Variants in ALS2CL observed in about 807,000 individuals in gnomAD.
ALS2CL encodes the protein ALS2 C-terminal-like protein.
In ALS2CL, 112 loss-of-function variants were observed where a neutral mutation model predicts 127.9. The ratio of observed to expected loss-of-function variants is 0.88; its 90% CI spans 0.75 to 1.02. ALS2CL has a LOEUF of 1.02. Ranked by LOEUF, ALS2CL falls within the 50% of genes least tolerant of loss-of-function variation. The probability of loss-of-function intolerance (pLI) is 0.00; values close to 1 mark genes in which losing one functional copy is unlikely to be tolerated. For missense variants in ALS2CL, 1,174 were observed against 1,236.7 expected, an observed-to-expected ratio of 0.95 and a Z score of 0.76; for synonymous variants, 519 against 527.6, an observed-to-expected ratio of 0.98 and a Z score of 0.22.
rs568316121 is a variant in ALS2CL, at chr3:46,673,327, C to G, written c.2472+12G>C. Reference sequence around the variant, plus strand: ...GGGGGCCCCTGGCTTGGGGCTCTGGCCTCCCTCTCACCTGATTGCTCGTCA... The same window carrying G: ...GGGGGCCCCTGGCTTGGGGCTCTGGGCTCCCTCTCACCTGATTGCTCGTCA... On this transcript the variant is annotated intron_variant, in intron 22 of 25. Transcript: ENST00000318962. The G allele has an allele frequency of 1.5e-5, 24 of 1,559,700 alleles. No homozygotes were observed. The East Asian group carries it at 5.8e-4, about 38-fold the overall frequency.
chr3:46,678,319 T>G lies in ALS2CL; in HGVS notation c.1697A>C (p.His566Pro). The G allele has an allele frequency of 6.2e-7, 1 of 1,613,194 alleles. No individual in the cohort carries two copies. The highest frequency in any genetic ancestry group is 8.5e-7 in the Non-Finnish European group (1 of 1,179,458). Residue 566 changes from histidine to proline, a missense_variant, in exon 16 of 26, where the codon CAC becomes CCC. Coordinates refer to ENST00000318962, the MANE Select transcript of ALS2CL (RefSeq NM_147129.5). ...AGCCGTGTCCAGCACACCCTGTGTG[T>G]GCAGTCCTCTCCCTGCCCCACTGCC... Reference protein sequence around the residue: ...SFGSGAGRGLHTQGVLDTAAL... With the variant: ...SFGSGAGRGLPTQGVLDTAAL...
rs1217227566 is a variant in ALS2CL, at chr3:46,681,284, G to A, written c.1398C>T (p.Gly466=). The A allele has an allele frequency of 1.9e-6, 3 of 1,613,956 alleles. No individual in the cohort carries two copies. ...PFRYTGHWER[G]QRSGYGIEED... is the part of the protein sequence containing the mutation. Reference sequence around the variant, plus strand: ...CCTCAATGCCATAGCCGCTCCTCTGGCCCCTCTCCCAGTGGCCCGTGTACC... The same window carrying A: ...CCTCAATGCCATAGCCGCTCCTCTGACCCCTCTCCCAGTGGCCCGTGTACC... Residue 466 remains glycine (G), a synonymous_variant, in exon 13 of 26, where the codon GGC becomes GGT. Transcript: ENST00000318962. This position sits in a 1 kb window ranked among gnomAD's most constrained non-coding sequence, Gnocchi z 4.9.
chr3:46,690,246 G>C (rs558698798), intron 1 of ALS2CL, among the ~76,000 whole-genome samples: 1 of 152,230 alleles, frequency 6.6e-6, no homozygotes, highest in African/African-American at 2.4e-5. Flanking sequence ...ATGTATGACA[G>C]TTGTAGAGGA....
chr3:46,687,843 C>A (rs1699901325), intron 3 of ALS2CL, among the ~76,000 whole-genome samples, 159 bp from the exon 4 acceptor site: 1 of 152,136 alleles, frequency 6.6e-6, no homozygotes, highest in South Asian at 2.1e-4. Context: ...AACTCCTGGG[C>A]CAACAAGACA....
chr3:46,688,198 G>C lies in ALS2CL; in HGVS notation c.202C>G (p.Leu68Val). The C allele has an allele frequency of 6.2e-7, 1 of 1,613,120 alleles. No individual in the cohort carries two copies. Among genetic ancestry groups the C allele is most frequent in the Non-Finnish European group, 8.5e-7 (1 of 1,179,996 alleles). The change falls in exon 3 of 26, where the codon CTG becomes GTG. Residue 68 changes from leucine (L) to valine (V), a missense_variant. By Grantham distance (32) the Leu-to-Val change is conservative. Coordinates refer to ENST00000318962, the MANE Select transcript of ALS2CL (RefSeq NM_147129.5). ...CGCAGCCTCTCCTGCAGTGAGTGCAGGCTTTCCTCCGTCACCTCCCAGAGT... is the reference window on the plus strand; with the variant it reads ...CGCAGCCTCTCCTGCAGTGAGTGCACGCTTTCCTCCGTCACCTCCCAGAGT... ...QQLWEVTEESLHSLQERLRYP... is the reference protein window; with the variant it reads ...QQLWEVTEESVHSLQERLRYP...
chr3:46,677,343 T>C lies in ALS2CL; in HGVS notation c.1758-321A>G, dbSNP rs968383552. ...GGGGTCTTGGTCCAAGAGAGACCAG[T>C]GTCCAAAGTCTGGGATTCCCCTCCA... On this transcript the variant is annotated intron_variant, in intron 16 of 25. Coordinates refer to ENST00000318962, the MANE Select transcript of ALS2CL (RefSeq NM_147129.5). The C allele has an allele frequency of 7.9e-6, 9 of 1,145,362 alleles. 1 individual carries two copies. The South Asian group carries it at 1.9e-4, about 24-fold the overall frequency. 70.9% of individuals were successfully genotyped at this position (1,145,362 alleles called of 1,614,324 possible).
chr3:46,689,685 C>T (rs1277266336), intron 1 of ALS2CL, among the ~76,000 whole-genome samples: 2 of 152,310 alleles, frequency 1.3e-5, no homozygotes, highest in Admixed American at 1.3e-4. Context: ...AGAGAGAGAG[C>T]TCAGAGCTGC....
At chr3:46,673,608 G>A (rs1413360572) in intron 21 of ALS2CL, among the ~76,000 whole-genome samples, 3 of 152,164 alleles carry the variant, frequency 2.0e-5, no homozygotes, top group African/African-American at 4.8e-5. Flanking sequence ...GAGCCAGGTC[G>A]TGGTGACCAG....
chr3:46,685,416 C>T, intron 7 of ALS2CL, 109 bp downstream of exon 7: 3 of 1,526,856 alleles, frequency 2.0e-6, no homozygotes, highest in Admixed American at 3.5e-5. Context: ...GACCATCCCT[C>T]CCAGCCCACT....
Position 46,676,338 on chromosome 3 carries a change from G to A in ALS2CL, c.2093C>T (p.Ala698Val). ...LLRTLMLTFQATYAGVGANKH... is the reference protein window; with the variant it reads ...LLRTLMLTFQVTYAGVGANKH... Reference sequence around the variant, plus strand: ...GTTGGCCCCGACACCTGCGTAGGTAGCCTGGAAGGTCAGCATCAGTGTCCG... The same window carrying A: ...GTTGGCCCCGACACCTGCGTAGGTAACCTGGAAGGTCAGCATCAGTGTCCG... The change falls in exon 19 of 26, where the codon GCT becomes GTT. Residue 698 changes from alanine (A) to valine (V), a missense_variant. Transcript: ENST00000318962. The A allele has an allele frequency of 6.2e-7, 1 of 1,613,920 alleles. No individual in the cohort carries two copies. Among genetic ancestry groups the A allele is most frequent in the South Asian group, 1.1e-5 (1 of 91,072 alleles).
Position 46,688,440 on chromosome 3 carries a change from C to T in ALS2CL, c.104-144G>A, listed in dbSNP as rs893268702. 6 of 789,706 alleles carry T rather than the reference C, an allele frequency of 7.6e-6. 1 individual carries two copies. Among genetic ancestry groups the T allele is most frequent in the South Asian group, 1.8e-5 (1 of 56,062 alleles). 48.9% of individuals were successfully genotyped at this position (789,706 alleles called of 1,614,324 possible). A position where few individuals can be genotyped will look rare whatever the true frequency, so the allele number is the denominator to read the frequency against. ...CAGCAGGGTCTGCATCCCTGGGATC[C>T]GCAGGACAGAATTGGTGAACCCTAG... On this transcript the variant is annotated intron_variant, in intron 2 of 25. Transcript: ENST00000318962.
intron 2 of ALS2CL, among the ~76,000 whole-genome samples, chr3:46,688,587 C>A (rs1253649626): frequency 6.6e-6 from 1 of 152,208 alleles, no homozygotes; most frequent in Non-Finnish European, 1.5e-5. Flanking sequence ...TAAGTACATA[C>A]ACGAATTCCC....
intron 1 of ALS2CL, among the ~76,000 whole-genome samples, chr3:46,690,412 G>C (rs1228387395): frequency 6.6e-6 from 1 of 152,178 alleles, no homozygotes; most frequent in Admixed American, 6.5e-5. Context: ...AGGTGGGCTT[G>C]AGCCTTGAGA....
At chr3:46,693,384 C>T (rs996159190) in intron 1 of ALS2CL, 1 of 152,352 alleles carries the variant, frequency 6.6e-6, no homozygotes, top group African/African-American at 2.4e-5. Flanking sequence ...GCTGGGGCCC[C>T]GTGGCCCTGC....
chr3:46,671,446 G>A (rs773581236), intron 25 of ALS2CL, 42 bp downstream of exon 25: 8 of 1,612,864 alleles, frequency 5.0e-6, no homozygotes, highest in Non-Finnish European at 3.4e-6. Flanking sequence ...TGCCCCAGGG[G>A]CCAGGGCATT....
chr3:46,682,336 C>T (rs1448069374), intron 10 of ALS2CL, among the ~76,000 whole-genome samples: 1 of 152,204 alleles, frequency 6.6e-6, no homozygotes, highest in African/African-American at 2.4e-5. Flanking sequence ...AAGGAAAGCC[C>T]TGGAGACATC....
chr3:46,690,945 A>C (rs7618797), intron 1 of ALS2CL, among the ~76,000 whole-genome samples: 7,460 of 152,356 alleles, frequency 0.049, 323 homozygotes, highest in South Asian at 0.13. Context: ...CCAAAGGCCC[A>C]GGCCAGGCAT....
rs1227784385 is a variant in ALS2CL, at chr3:46,686,480, G to A, written c.535-41C>T. 1 of 1,595,700 alleles carries A rather than the reference G, an allele frequency of 6.3e-7. No homozygotes were observed. The highest frequency in any genetic ancestry group is 8.5e-7 in the Non-Finnish European group (1 of 1,170,428). ...GCAGCCAGTGAGAGGAGAGCTTACT[G>A]GAATCTTCCCTAGCCCAGTCCTGGT... On this transcript the variant is annotated intron_variant, in intron 5 of 25. Coordinates refer to ENST00000318962, the MANE Select transcript of ALS2CL (RefSeq NM_147129.5). This position sits in a 1 kb window ranked among gnomAD's most constrained non-coding sequence, Gnocchi z 4.3.
At chr3:46,691,717 C>G (rs1224233589) in intron 1 of ALS2CL, among the ~76,000 whole-genome samples, 1 of 148,342 alleles carries the variant, frequency 6.7e-6, no homozygotes, top group Non-Finnish European at 1.5e-5. Context: ...GTATTTCTTT[C>G]TATTCTTTTT....
Sources: gnomAD v4.1 joint callset for allele counts (sites outside exome capture counted in the v4.1 genomes callset) on GRCh38, gnomAD v4.1.1 for gene constraint, Gnocchi (gnomAD v3.1) non-coding constraint, MANE v1.5 for transcripts, NCBI Gene and HGNC (gene_info 2026-07-23, HGNC 2026-07-21) for gene names.